The following REPS1 variants were observed in gnomAD, a reference collection of about 807,000 sequenced individuals.
REPS1 encodes RALBP1 associated Eps domain containing 1, also known as ralBP1-associated Eps domain-containing protein 1.
In REPS1, 39 loss-of-function variants were observed where a neutral mutation model predicts 100.9. The ratio of observed to expected loss-of-function variants is 0.39; its 90% CI spans 0.30 to 0.50. The LOEUF is 0.50. Ranked by LOEUF, REPS1 falls within the 20% of genes least tolerant of loss-of-function variation. REPS1 has a pLI of 0.86. For synonymous variants in REPS1, 324 were observed against 340.3 expected (o/e 0.95, Z 0.53); for missense variants, 821 against 968.5 (o/e 0.85, Z 2.02).
chr6:138,978,293 C>CTT (rs548789057), intron 1 of REPS1, among the ~76,000 whole-genome samples: 45 of 142,332 alleles, frequency 3.2e-4, no homozygotes, highest in African/African-American at 7.5e-4. Context: ...TTTTCCTTTT[C>CTT]TTTTTTTTTT....
At chr6:138,943,698 T>G (rs1412011592) in intron 6 of REPS1, 122 bp from the exon 7 acceptor site, 3 of 986,364 alleles carry the variant, frequency 3.0e-6, no homozygotes, top group Non-Finnish European at 4.4e-6. Flanking sequence ...ATATGTCATG[T>G]TTTTGGCCCC....
At chr6:138,934,835 G>C (rs1347552633) in intron 8 of REPS1, among the ~76,000 whole-genome samples, 9 of 151,910 alleles carry the variant, frequency 5.9e-5, no homozygotes, top group Admixed American at 5.9e-4. Context: ...ACTTTATCAA[G>C]GCAAAAATAA....
At chr6:138,906,644 GAACT>G (rs771505335) in intron 19 of REPS1, among the ~76,000 whole-genome samples, 11 of 152,208 alleles carry the variant, frequency 7.2e-5, no homozygotes, top group Non-Finnish European at 1.3e-4. Context: ...TTAGGAGAAT[GAACT>G]AACTGCATTC....
At chr6:138,924,944 G>A (rs1370386009) in intron 10 of REPS1, among the ~76,000 whole-genome samples, 1 of 152,134 alleles carries the variant, frequency 6.6e-6, no homozygotes, top group Non-Finnish European at 1.5e-5. Context: ...ACTGGTCCTT[G>A]AATACTTAAT....
In REPS1 at chr6:138,949,946, T is replaced by C. The variant is rs952175870; in HGVS notation, c.154-2033A>G. Among the ~76,000 whole-genome samples the C allele has an allele frequency of 3.5e-4, 53 of 152,166 alleles. 1 individual carries two copies. The highest frequency in any genetic ancestry group is 1.5e-5 in the Non-Finnish European group (1 of 68,020). On this transcript the variant is annotated intron_variant, in intron 1 of 19. Coordinates refer to ENST00000450536, the MANE Select transcript of REPS1 (RefSeq NM_001286611.2). ...CATATTGCACATGTTGTTTTCTAGT[T>C]TATCTGTTTTTTCCAAAAAAGCTGT...
chr6:138,922,106 TTAAAA>T (rs1052640949), intron 10 of REPS1, among the ~76,000 whole-genome samples: 5 of 152,088 alleles, frequency 3.3e-5, no homozygotes, highest in African/African-American at 4.8e-5. Context: ...AGCCTTGAAG[TTAAAA>T]TAAACTATTT....
Position 138,915,948 on chromosome 6 carries a change from T to C in REPS1, c.1630A>G (p.Thr544Ala). ...CTTGGAGGGGGAGGTGGTGGTGCAG[T>C]GTTATCAGGCGACGTTCCTGAATGA... ...RSHSGTSPDN[T>A]APPPPPPRPQ... is the part of the protein sequence containing the mutation. The change falls in exon 14 of 20, where the codon ACT becomes GCT. Residue 544 changes from threonine (T) to alanine (A), a missense_variant. Around this residue, in one of 3 missense-constraint regions of REPS1, gnomAD observed 757 missense variants for 866.4 expected, o/e 0.87. Coordinates refer to ENST00000450536, the MANE Select transcript of REPS1 (RefSeq NM_001286611.2). The C allele has an allele frequency of 3.1e-6, 5 of 1,613,958 alleles. No homozygotes were observed. Among genetic ancestry groups the C allele is most frequent in the Non-Finnish European group, 4.2e-6 (5 of 1,179,894 alleles).
intron 1 of REPS1, among the ~76,000 whole-genome samples, chr6:138,952,047 A>C (rs6936816): frequency 0.15 from 22,527 of 152,160 alleles, 1,762 homozygotes; most frequent in African/African-American, 0.17. Flanking sequence ...ACCAAGGGCC[A>C]GTTAGTGATT....
intron 1 of REPS1, among the ~76,000 whole-genome samples, chr6:138,967,428 T>C (rs1224039471): frequency 6.6e-6 from 1 of 152,156 alleles, no homozygotes; most frequent in Admixed American, 6.5e-5. Context: ...ATACAAGAAG[T>C]TATATTCACA....
In REPS1 at chr6:138,903,889, C is replaced by G. The variant is rs548235738; in HGVS notation, c.*1175G>C. The stretch of plus-strand genomic sequence containing the variant: ...TTCTTCAAATTCTTGTTTACAGTAA[C>G]AAAGTCTATCGGTGCAGTTTAGGAC... On this transcript the variant is annotated 3_prime_UTR_variant, in exon 20 of 20. Coordinates refer to ENST00000450536, the MANE Select transcript of REPS1 (RefSeq NM_001286611.2). The G allele has an allele frequency of 6.6e-6, 1 of 152,140 alleles. No homozygotes were observed. Among genetic ancestry groups the G allele is most frequent in the Non-Finnish European group, 1.5e-5 (1 of 68,006 alleles). The allele number at this position is 152,140 out of a possible 1,614,324, so 9.4% of individuals were successfully genotyped here.
At chr6:138,964,328 A>G (rs1027113977) in intron 1 of REPS1, among the ~76,000 whole-genome samples, 3 of 152,136 alleles carry the variant, frequency 2.0e-5, no homozygotes, top group Admixed American at 2.0e-4. Context: ...CCCCAACACT[A>G]TGTCCTTAGG....
At chr6:138,966,325 T>C (rs1483233657) in intron 1 of REPS1, among the ~76,000 whole-genome samples, 1 of 152,172 alleles carries the variant, frequency 6.6e-6, no homozygotes, top group Admixed American at 6.5e-5. Context: ...TCTTTACTTA[T>C]AATATGATAA....
At chr6:138,978,885 T>C (rs1416040669) in intron 1 of REPS1, among the ~76,000 whole-genome samples, 3 of 151,996 alleles carry the variant, frequency 2.0e-5, no homozygotes, top group East Asian at 1.9e-4. Context: ...TTCCCCACTG[T>C]TAAAACTGAG....
At chr6:138,976,981 T>C (rs1436472985) in intron 1 of REPS1, among the ~76,000 whole-genome samples, 2 of 152,238 alleles carry the variant, frequency 1.3e-5, no homozygotes, top group African/African-American at 4.8e-5. Context: ...TTAAACTATG[T>C]AAGCAGTACA....
intron 15 of REPS1, among the ~76,000 whole-genome samples, chr6:138,914,123 G>A (rs891260130): frequency 1.3e-5 from 2 of 152,114 alleles, no homozygotes; most frequent in African/African-American, 4.8e-5. Context: ...AGGCTGGAGT[G>A]CAGTGGTGCA....
intron 10 of REPS1, among the ~76,000 whole-genome samples, chr6:138,925,677 C>G (rs1225777655): frequency 1.4e-5 from 2 of 146,648 alleles, no homozygotes; most frequent in Admixed American, 6.8e-5. Context: ...AAAAAAAAGA[C>G]AGAGAGAGAA....
chr6:138,938,384 C>T (rs1781999312), intron 8 of REPS1, among the ~76,000 whole-genome samples: 1 of 152,152 alleles, frequency 6.6e-6, no homozygotes, highest in Admixed American at 6.6e-5. Context: ...AAGAGTTAAA[C>T]TTTAAGTATA....
chr6:138,936,306 C>G (rs1309343139), intron 8 of REPS1, among the ~76,000 whole-genome samples: 1 of 152,072 alleles, frequency 6.6e-6, no homozygotes, highest in Non-Finnish European at 1.5e-5. Context: ...GATCCTCCCA[C>G]CTTGGCCTAC....
intron 9 of REPS1, chr6:138,927,865 A>G (rs1278862859): frequency 6.6e-6 from 1 of 152,224 alleles, no homozygotes; most frequent in Non-Finnish European, 1.5e-5. Context: ...TTTTTCCTCA[A>G]TAATTATTGT....
Sources: gnomAD v4.1 joint callset for allele counts (sites outside exome capture counted in the v4.1 genomes callset) on GRCh38, gnomAD v4.1.1 for gene constraint, gnomAD v4.1.1 regional missense constraint, MANE v1.5 for transcripts, NCBI Gene and HGNC (gene_info 2026-07-23, HGNC 2026-07-21) for gene names.